Variants in OR51B5 observed in about 807,000 individuals in gnomAD.
The protein encoded by OR51B5 is olfactory receptor 51B5.
For missense variants in OR51B5, 456 were observed against 374.6 expected, an observed-to-expected ratio of 1.22 and a Z score of -1.79; for synonymous variants, 186 against 144.8, an observed-to-expected ratio of 1.28 and a Z score of -2.04.
At chr11:5,359,152 G>C (rs1381924351) in intron 1 of OR51B5, among the ~76,000 whole-genome samples, 3 of 152,044 alleles carry the variant, frequency 2.0e-5, no homozygotes, top group Non-Finnish European at 2.9e-5. Context: ...AGGGCAATTA[G>C]GCAGGAGAAG....
chr11:5,389,793 T>C, intron 1 of OR51B5: 2 of 1,614,024 alleles, frequency 1.2e-6, no homozygotes, highest in Non-Finnish European at 1.7e-6. Flanking sequence ...ATGATGTCCT[T>C]TGACCGCCTT....
intron 1 of OR51B5, among the ~76,000 whole-genome samples, chr11:5,399,763 T>C (rs1453414844): frequency 9.7e-5 from 1 of 10,304 alleles, no homozygotes; most frequent in South Asian, 1.4e-3. Context: ...CTGAGAAGGA[T>C]GCAAAAAAAA....
intron 1 of OR51B5, among the ~76,000 whole-genome samples, chr11:5,376,329 T>G (rs1213060609): frequency 6.6e-6 from 1 of 152,050 alleles, no homozygotes; most frequent in South Asian, 2.1e-4. Flanking sequence ...AGGGGGAAAT[T>G]TATAGCACTA....
At chr11:5,351,768 C>T (rs773324467) in intron 1 of OR51B5, 2 of 1,613,878 alleles carry the variant, frequency 1.2e-6, no homozygotes, top group African/African-American at 1.3e-5. Flanking sequence ...GGTTAGATCA[C>T]AGGGAGATTG....
chr11:5,370,923 T>A (rs1198127074), intron 1 of OR51B5, among the ~76,000 whole-genome samples: 1 of 152,172 alleles, frequency 6.6e-6, no homozygotes, highest in Non-Finnish European at 1.5e-5. Context: ...ATTGCCATAG[T>A]GGTATTGGTC....
At chr11:5,414,500 G>C (rs888231754) in intron 1 of OR51B5, among the ~76,000 whole-genome samples, 43 of 152,066 alleles carry the variant, frequency 2.8e-4, no homozygotes, top group Middle Eastern at 3.4e-3. Flanking sequence ...ATTGGATAAA[G>C]AGTCAAGACC....
chr11:5,451,848 T>C (rs553395913), intron 1 of OR51B5, among the ~76,000 whole-genome samples: 1 of 152,334 alleles, frequency 6.6e-6, no homozygotes, highest in African/African-American at 2.4e-5. Flanking sequence ...GCTTGAAATG[T>C]CTGCTTAGTG....
intron 1 of OR51B5, among the ~76,000 whole-genome samples, chr11:5,477,420 G>A (rs1021983891): frequency 6.6e-6 from 1 of 152,110 alleles, no homozygotes; most frequent in Admixed American, 6.5e-5. Context: ...TTCATTCCTG[G>A]GAGCATTCCT....
intron 1 of OR51B5, among the ~76,000 whole-genome samples, chr11:5,493,933 T>A (rs1851613331): frequency 2.0e-5 from 3 of 152,190 alleles, no homozygotes; most frequent in Admixed American, 6.5e-5. Flanking sequence ...ATTTTTACAT[T>A]GTAATTTGTT....
In OR51B5 at chr11:5,354,423, CCCTTTCTGTTCTT is replaced by C. The variant is rs1406375681; in HGVS notation, n.85-7526_85-7514del. Among the ~76,000 whole-genome samples, 4 of 152,312 alleles carry C rather than the reference CCCTTTCTGTTCTT, an allele frequency of 2.6e-5. No homozygotes were observed. The South Asian group carries it at 8.3e-4, about 32-fold the overall frequency. On this transcript the variant is annotated intron_variant and non_coding_transcript_variant, in intron 1 of 4. Transcript: ENST00000415970. ...ACTGACAACCCTGAGTTTCTCTCCT[CCCTTTCTGTTCTT>C]CCTTATACTGAAGAGATGTGATGAA...
chr11:5,447,805 G>A (rs1850789990), intron 1 of OR51B5, among the ~76,000 whole-genome samples: 1 of 152,036 alleles, frequency 6.6e-6, no homozygotes, highest in Non-Finnish European at 1.5e-5. Flanking sequence ...AGTGGCCTTG[G>A]TTGGTTATAT....
chr11:5,343,229 G>A (rs1364277678), exon 1 of OR51B5: 2 of 1,613,606 alleles, frequency 1.2e-6, no homozygotes, highest in African/African-American at 1.3e-5. Context: ...TATAAAGTAG[G>A]CCTGGGAAAA....
chr11:5,381,652 G>A (rs535692405), intron 1 of OR51B5, among the ~76,000 whole-genome samples: 3 of 152,286 alleles, frequency 2.0e-5, no homozygotes, highest in East Asian at 1.9e-4. Context: ...CTTAATGCAC[G>A]TCAATGAAAA....
At chr11:5,430,158 T>C (rs1326298800) in intron 1 of OR51B5, among the ~76,000 whole-genome samples, 1 of 152,148 alleles carries the variant, frequency 6.6e-6, no homozygotes, top group Non-Finnish European at 1.5e-5. Flanking sequence ...ATGTAAACCA[T>C]GAATATCTGG....
intron 1 of OR51B5, among the ~76,000 whole-genome samples, chr11:5,417,328 A>G (rs1265693209): frequency 6.6e-6 from 1 of 151,710 alleles, no homozygotes; most frequent in Non-Finnish European, 1.5e-5. Context: ...AAAACCCTAG[A>G]AGAAAACCTA....
At chr11:5,427,919 C>T (rs1850473554) in intron 1 of OR51B5, among the ~76,000 whole-genome samples, 1 of 151,902 alleles carries the variant, frequency 6.6e-6, no homozygotes, top group South Asian at 2.1e-4. Flanking sequence ...ATATACAGTG[C>T]ATGGTCAAAA....
chr11:5,387,072 GTAA>G (rs1345749413), intron 1 of OR51B5, among the ~76,000 whole-genome samples: 3 of 152,016 alleles, frequency 2.0e-5, no homozygotes, highest in African/African-American at 2.4e-5. Flanking sequence ...CACTGTATAA[GTAA>G]TAATAATAAT....
chr11:5,452,595 A>ATATGGAGGAGG (rs1850873689), intron 1 of OR51B5, among the ~76,000 whole-genome samples: 1 of 148,520 alleles, frequency 6.7e-6, no homozygotes, highest in African/African-American at 2.5e-5. Context: ...ACTTTACGAG[A>ATATGGAGGAGG]TATGGAGATA....
Position 5,343,027 on chromosome 11 carries a change from A to C in OR51B5, c.498T>G (p.Tyr166Ter), listed in dbSNP as rs1159850905. The stretch of plus-strand genomic sequence containing the variant: ...CATGTGAAAGAACATGGGAGTGACA[A>C]TACAGAAAAAAATAGAGGGGCCTGA... The change falls in exon 1 of 1, where the codon TAT becomes TAG. Residue 166 changes from tyrosine to a stop codon, truncating the protein, a stop_gained. Transcript: ENST00000300773. LOFTEE classifies it low-confidence loss of function (END_TRUNC). The C allele has an allele frequency of 1.2e-5, 19 of 1,613,944 alleles. No homozygotes were observed. The highest frequency in any genetic ancestry group is 1.6e-5 in the Non-Finnish European group (19 of 1,179,884).
Sources: allele counts gnomAD v4.1 joint callset (sites outside exome capture counted in the v4.1 genomes callset), GRCh38; gene constraint gnomAD v4.1.1; transcripts MANE v1.5; gene names NCBI Gene and HGNC (gene_info 2026-07-23, HGNC 2026-07-21).